Variants in POLK observed in about 807,000 individuals in gnomAD.
POLK encodes the protein polymerase (DNA directed) kappa.
In POLK, 76 loss-of-function variants were observed where a neutral mutation model predicts 94.0. That is an observed-to-expected ratio of 0.81 (90% CI 0.67 to 0.98). The LOEUF (loss-of-function observed/expected upper bound fraction) is 0.98. Among genes scored for constraint, POLK ranks in the 50% least tolerant of loss-of-function variants. The pLI, the probability that POLK is intolerant of heterozygous loss-of-function variation, is 0.00. For synonymous variants in POLK, 349 were observed against 325.4 expected, an observed-to-expected ratio of 1.07 and a Z score of -0.78; for missense variants, 954 against 1,010.1, an observed-to-expected ratio of 0.94 and a Z score of 0.75.
At chr5:75,563,727 C>T (rs1771115296) in intron 3 of POLK, among the ~76,000 whole-genome samples, 1 of 152,106 alleles carries the variant, frequency 6.6e-6, no homozygotes, top group Admixed American at 6.5e-5. Context: ...TTTCTTAATC[C>T]TGAGTTCTAA....
chr5:75,552,466 C>T lies in POLK; in HGVS notation c.136-6C>T. On this transcript the variant is annotated splice_region_variant and splice_polypyrimidine_tract_variant and intron_variant, in intron 2 of 14. Coordinates refer to ENST00000241436, the Ensembl canonical transcript of POLK. Reference sequence around the variant, plus strand: ...TTCTTATGCTTTGTTTTGTTTTCCTCCATAGGGGTCCAGATTTTATGGAAA... The same window carrying T: ...TTCTTATGCTTTGTTTTGTTTTCCTTCATAGGGGTCCAGATTTTATGGAAA... 6.2e-7 allele frequency: 1 copy of T among 1,609,698 alleles called. No homozygotes were observed. The highest frequency in any genetic ancestry group is 8.5e-7 in the Non-Finnish European group (1 of 1,178,306).
At chr5:75,547,514 T>C (rs1278513701) in intron 2 of POLK, among the ~76,000 whole-genome samples, 1 of 152,164 alleles carries the variant, frequency 6.6e-6, no homozygotes, top group Non-Finnish European at 1.5e-5. Context: ...ATTCTTTGTA[T>C]GCCTGTGTGT....
At chr5:75,521,635 T>C (rs2112537837) in intron 1 of POLK, among the ~76,000 whole-genome samples, 1 of 152,350 alleles carries the variant, frequency 6.6e-6, no homozygotes, top group Non-Finnish European at 1.5e-5. Flanking sequence ...AATGGTTTGC[T>C]GTTGTTTCTT....
At chr5:75,543,459 C>T (rs1379349172) in intron 1 of POLK, among the ~76,000 whole-genome samples, 1 of 152,138 alleles carries the variant, frequency 6.6e-6, no homozygotes, top group Non-Finnish European at 1.5e-5. Context: ...TCAACGATGA[C>T]TCCTGGGTTA....
At chr5:75,600,885 T>C (rs1466302459) in exon 15 of POLK, 2 of 152,266 alleles carry the variant, frequency 1.3e-5, no homozygotes, top group East Asian at 1.9e-4. Flanking sequence ...TATATAGTTA[T>C]ATATATGAGA....
chr5:75,552,664 C>T (rs1770392241), intron 3 of POLK, 73 bp downstream of exon 3: 1 of 1,333,392 alleles, frequency 7.5e-7, no homozygotes, highest in Admixed American at 2.2e-5. Flanking sequence ...ATTGTCAAGT[C>T]ATAACTGAAA....
At chr5:75,573,594 CAA>C in intron 4 of POLK, 142 bp from the exon 5 acceptor site, 2 of 658,320 alleles carry the variant, frequency 3.0e-6, no homozygotes, top group South Asian at 4.0e-5. Context: ...TGGAAAACAA[CAA>C]AAACAAAAAC....
the POLK span, among the ~76,000 whole-genome samples, chr5:75,606,663 G>T: frequency 6.6e-6 from 1 of 150,970 alleles, no homozygotes. Flanking sequence ...AGAGCACGGG[G>T]TTGGGGGTAA....
chr5:75,569,414 T>C (rs2112759921), exon 4 of POLK: 1 of 1,613,722 alleles, frequency 6.2e-7, no homozygotes, highest in Non-Finnish European at 8.5e-7. Context: ...ACATGGATGC[T>C]TTCTATGCAG....
At chr5:75,596,350 G>A (rs541607292) in exon 13 of POLK, 2 of 1,613,168 alleles carry the variant, frequency 1.2e-6, no homozygotes, top group South Asian at 1.1e-5. Context: ...AACTGACAAA[G>A]ATAAGTTTGT....
intron 3 of POLK, among the ~76,000 whole-genome samples, chr5:75,564,145 G>A (rs1771138611): frequency 6.6e-6 from 1 of 152,164 alleles, no homozygotes; most frequent in South Asian, 2.1e-4. Flanking sequence ...TTACCATTAT[G>A]TAATGCCCTT....
intron 6 of POLK, 114 bp from the exon 7 acceptor site, chr5:75,581,095 A>G: frequency 6.0e-6 from 4 of 670,768 alleles, no homozygotes; most frequent in Non-Finnish European, 1.0e-5. Context: ...GATCCTAGAA[A>G]CTAAACTAAA....
intron 4 of POLK, among the ~76,000 whole-genome samples, chr5:75,573,322 G>A (rs1290608934): frequency 2.0e-5 from 3 of 152,002 alleles, no homozygotes; most frequent in South Asian, 2.1e-4. Flanking sequence ...ACGAGAACAC[G>A]TGGACACAGG....
chr5:75,597,998 CT>C lies in POLK; in HGVS notation c.2595del (p.Asp866IlefsTer8). 1 of 1,376,982 alleles carries C rather than the reference CT, an allele frequency of 7.3e-7. No homozygotes were observed. The highest frequency in any genetic ancestry group is 1.0e-6 in the Non-Finnish European group (1 of 1,004,172). The allele number at this position is 1,376,982 out of a possible 1,614,324, so 85.3% of individuals were successfully genotyped here. ...AAAACCAAACAATCCCAAACATACCCTTGATATATTTTTTAAGTAAACATTG... is the reference window on the plus strand; with the variant it reads ...AAAACCAAACAATCCCAAACATACCCTGATATATTTTTTAAGTAAACATTG... On this transcript the variant is annotated frameshift_variant, in exon 15 of 15. Transcript: ENST00000241436. LOFTEE classifies it high-confidence loss of function.
At chr5:75,526,613 G>T (rs546474698) in intron 1 of POLK, among the ~76,000 whole-genome samples, 2 of 133,460 alleles carry the variant, frequency 1.5e-5, no homozygotes, top group African/African-American at 5.7e-5. Flanking sequence ...ACAGAGTCTC[G>T]CTCCGTCGCC....
At chr5:75,601,124 A>C (rs1773287529) in exon 15 of POLK, 1 of 152,154 alleles carries the variant, frequency 6.6e-6, no homozygotes, top group Admixed American at 6.5e-5. Flanking sequence ...CTTTATAATA[A>C]AGAGAAAAAA....
intron 12 of POLK, among the ~76,000 whole-genome samples, chr5:75,595,854 T>C (rs1355545915): frequency 6.6e-6 from 1 of 151,978 alleles, no homozygotes; most frequent in Non-Finnish European, 1.5e-5. Flanking sequence ...GAACTCATTG[T>C]ACCTTCTGCT....
chr5:75,588,351 A>C (rs928102177), intron 10 of POLK, among the ~76,000 whole-genome samples: 9 of 152,232 alleles, frequency 5.9e-5, no homozygotes, highest in Non-Finnish European at 2.9e-5. Flanking sequence ...ATAATCAATA[A>C]AAAGGAACAG....
At chr5:75,554,872 A>G (rs188492104) in intron 3 of POLK, among the ~76,000 whole-genome samples, 41 of 152,320 alleles carry the variant, frequency 2.7e-4, no homozygotes, top group African/African-American at 9.1e-4. Flanking sequence ...TCCATGGTGT[A>G]TATGTACACA....
Sources: allele counts gnomAD v4.1 joint callset (sites outside exome capture counted in the v4.1 genomes callset), GRCh38; gene constraint gnomAD v4.1.1; transcripts MANE v1.5; gene names NCBI Gene and HGNC (gene_info 2026-07-23, HGNC 2026-07-21).